The following GPC5 variants were observed in gnomAD, a reference collection of about 807,000 sequenced individuals.
GPC5 encodes the protein glypican-5.
Under a neutral mutation model 53.9 loss-of-function variants are expected in GPC5, and 47 were observed. That is an observed-to-expected ratio of 0.87 (90% confidence interval 0.69 to 1.11). The LOEUF (loss-of-function observed/expected upper bound fraction) is 1.11. Among genes scored for constraint, GPC5 ranks in the 50% most tolerant of loss-of-function variants. GPC5 has a pLI of 0.00. For synonymous variants in GPC5, 286 were observed against 263.3 expected (o/e 1.09, Z -0.84); for missense variants, 748 against 713.1 (o/e 1.05, Z -0.56).
intron 7 of GPC5, among the ~76,000 whole-genome samples, chr13:92,270,040 GT>G (rs1404171121): frequency 2.6e-4 from 39 of 152,148 alleles, no homozygotes; most frequent in African/African-American, 8.7e-4. Context: ...GGGAACTGTG[GT>G]TCAGGGAAGG....
In GPC5 at chr13:91,693,396, A is replaced by G; in HGVS notation, c.535A>G (p.Ile179Val). 2 of 1,614,100 alleles carry G rather than the reference A, an allele frequency of 1.2e-6. No homozygotes were observed. Among genetic ancestry groups the G allele is most frequent in the Non-Finnish European group, 1.7e-6 (2 of 1,179,998 alleles). ...TTTTCCTCTGGTCTACAACCACCTC[A>G]TTAACCCTGGTGTGACTGACAGTTC... ...SLFPLVYNHL[I>V]NPGVTDSSLE... Residue 179 changes from isoleucine (I) to valine (V), a missense_variant, in exon 3 of 8, where the codon ATT (isoleucine) becomes GTT (valine). Ile to Val is a conservative substitution (Grantham distance 29). Transcript: ENST00000377067.
At chr13:91,490,427 C>G (rs1331560198) in intron 2 of GPC5, among the ~76,000 whole-genome samples, 1 of 151,998 alleles carries the variant, frequency 6.6e-6, no homozygotes, top group Non-Finnish European at 1.5e-5. Flanking sequence ...AGATGGTAGA[C>G]TAGGATATTT....
chr13:91,765,008 TG>T (rs1196313333), intron 5 of GPC5, among the ~76,000 whole-genome samples: 2 of 151,744 alleles, frequency 1.3e-5, no homozygotes, highest in African/African-American at 2.4e-5. Context: ...GATCTTTTGG[TG>T]GGTTCCTTTT....
chr13:92,752,424 T>G (rs908445314), intron 7 of GPC5, among the ~76,000 whole-genome samples: 1 of 152,214 alleles, frequency 6.6e-6, no homozygotes, highest in Non-Finnish European at 1.5e-5. Context: ...TGCACTAAGT[T>G]GATGGAATTG....
In GPC5 at chr13:92,550,226, A is replaced by ATGTTTTAATGCAT. The variant is rs1286638999; in HGVS notation, c.1562-316055_1562-316054insGTTTTAATGCATT. Among the ~76,000 whole-genome samples the ATGTTTTAATGCAT allele has an allele frequency of 9.9e-5, 15 of 151,978 alleles. 1 individual carries two copies. In the East Asian group the frequency reaches 2.9e-3, roughly 29 times the overall value. On this transcript the variant is annotated intron_variant, in intron 7 of 7. Transcript: ENST00000377067. ...TTATTTTAAAAATGAACATATAAGA[A>ATGTTTTAATGCAT]TCTTAGCTAATGTTTTAATGCATTC...
At chr13:91,438,756 A>T (rs544057528) in intron 1 of GPC5, among the ~76,000 whole-genome samples, 1 of 152,292 alleles carries the variant, frequency 6.6e-6, no homozygotes, top group South Asian at 2.1e-4. Context: ...CTGCCCCCAG[A>T]GGTGGAATCT....
At chr13:91,877,984 T>C (rs1243550471) in intron 5 of GPC5, among the ~76,000 whole-genome samples, 1 of 152,174 alleles carries the variant, frequency 6.6e-6, no homozygotes, top group Non-Finnish European at 1.5e-5. Context: ...TTGCTTCTTC[T>C]CCCATTTTTC....
At chr13:91,834,644 A>C (rs2038702533) in intron 5 of GPC5, among the ~76,000 whole-genome samples, 2 of 152,044 alleles carry the variant, frequency 1.3e-5, no homozygotes, top group Non-Finnish European at 2.9e-5. Flanking sequence ...AAGCAATGGA[A>C]AAAGGATTCC....
At chr13:92,148,905 T>A (rs1367156309) in intron 7 of GPC5, among the ~76,000 whole-genome samples, 1 of 152,094 alleles carries the variant, frequency 6.6e-6, no homozygotes, top group Non-Finnish European at 1.5e-5. Flanking sequence ...AAAAACAACT[T>A]GTAGCAAAAT....
intron 7 of GPC5, among the ~76,000 whole-genome samples, chr13:92,792,303 AT>A (rs1413166002): frequency 2.0e-5 from 3 of 152,144 alleles, no homozygotes; most frequent in Non-Finnish European, 4.4e-5. Context: ...ATCCAGCCAA[AT>A]CAAGCTTCAT....
At chr13:91,968,619 G>A (rs1272112773) in intron 6 of GPC5, among the ~76,000 whole-genome samples, 4 of 151,566 alleles carry the variant, frequency 2.6e-5, no homozygotes, top group African/African-American at 4.8e-5. Context: ...GTGCCACCAT[G>A]CCTGGCTAAT....
chr13:92,628,479 T>C lies in GPC5; in HGVS notation c.1562-237803T>C, dbSNP rs193069757. On this transcript the variant is annotated intron_variant, in intron 7 of 7. Coordinates refer to ENST00000377067, the MANE Select transcript of GPC5 (RefSeq NM_004466.6). ...TGGGCTGCTTTGGGGGTCAGCAGTGTTGAGGATTCTGACTCTGAGACATTC... is the reference window on the plus strand; with the variant it reads ...TGGGCTGCTTTGGGGGTCAGCAGTGCTGAGGATTCTGACTCTGAGACATTC... Among the ~76,000 whole-genome samples, 17 of 152,026 alleles carry C rather than the reference T, an allele frequency of 1.1e-4. 1 individual carries two copies. In the East Asian group the frequency reaches 3.1e-3, roughly 28 times the overall value.
At chr13:92,158,504 TC>T (rs1278993246) in intron 7 of GPC5, among the ~76,000 whole-genome samples, 2 of 151,288 alleles carry the variant, frequency 1.3e-5, no homozygotes, top group African/African-American at 4.9e-5. Flanking sequence ...TTTCAGTTGT[TC>T]CTTTTTTTTT....
At chr13:91,440,769 A>G (rs983144716) in intron 1 of GPC5, among the ~76,000 whole-genome samples, 4 of 152,180 alleles carry the variant, frequency 2.6e-5, no homozygotes, top group Non-Finnish European at 5.9e-5. Context: ...TTGGACTCAA[A>G]CTGTCACTGC....
intron 7 of GPC5, among the ~76,000 whole-genome samples, chr13:92,443,707 A>T (rs1449951593): frequency 6.6e-6 from 1 of 152,216 alleles, no homozygotes; most frequent in African/African-American, 2.4e-5. Flanking sequence ...CTGCATGCAT[A>T]GCAGCGGTAT....
At chr13:91,946,203 C>G (rs1370781535) in intron 6 of GPC5, among the ~76,000 whole-genome samples, 1 of 152,008 alleles carries the variant, frequency 6.6e-6, no homozygotes, top group Non-Finnish European at 1.5e-5. Flanking sequence ...AATTTGGGGT[C>G]TTTCTTTGTC....
chr13:91,952,992 C>A (rs1302965366), intron 6 of GPC5, among the ~76,000 whole-genome samples: 2 of 151,956 alleles, frequency 1.3e-5, no homozygotes, highest in Admixed American at 6.6e-5. Flanking sequence ...TGGCTTAATT[C>A]AACAAAAAGA....
chr13:91,623,379 T>C (rs2033914378), intron 2 of GPC5, among the ~76,000 whole-genome samples: 1 of 151,974 alleles, frequency 6.6e-6, no homozygotes, highest in African/African-American at 2.4e-5. Flanking sequence ...CATGAGACCT[T>C]CTCGAGACCA....
At chr13:91,961,926 C>T (rs1251415831) in intron 6 of GPC5, among the ~76,000 whole-genome samples, 1 of 152,062 alleles carries the variant, frequency 6.6e-6, no homozygotes, top group Non-Finnish European at 1.5e-5. Context: ...AAGTTAACTT[C>T]TCATTTTGGG....
Sources: gnomAD v4.1 joint callset for allele counts (sites outside exome capture counted in the v4.1 genomes callset) on GRCh38, gnomAD v4.1.1 for gene constraint, MANE v1.5 for transcripts, NCBI Gene and HGNC (gene_info 2026-07-23, HGNC 2026-07-21) for gene names.